PLG: variants seen among roughly 807,000 people sequenced by gnomAD.
PLG encodes the protein plasmin.
In PLG, 41 loss-of-function variants were observed where a neutral mutation model predicts 104.4. The observed-to-expected ratio is 0.39, with a 90% CI of 0.31 to 0.51. The LOEUF is 0.51. Ranked by LOEUF, PLG falls within the 20% of genes least tolerant of loss-of-function variation. The probability of loss-of-function intolerance (pLI) is 0.76; values close to 1 mark genes in which losing one functional copy is unlikely to be tolerated. For synonymous variants in PLG, 337 were observed against 357.1 expected, an observed-to-expected ratio of 0.94 and a Z score of 0.63; for missense variants, 891 against 1,003.6, an observed-to-expected ratio of 0.89 and a Z score of 1.52.
At position 160,733,978 on chromosome 6, in the gene PLG, T is replaced by C. The variant is rs762514743; in HGVS notation, c.1588-17T>C. 37 of 1,466,590 alleles carry C rather than the reference T, an allele frequency of 2.5e-5. No individual in the cohort carries two copies. The highest frequency in any genetic ancestry group is 3.3e-5 in the Non-Finnish European group (35 of 1,046,070). 90.8% of individuals were successfully genotyped at this position (1,466,590 alleles called of 1,614,324 possible). ...TGCCCCACGTGAGCTGGAGCTTACA[T>C]GCCTTCTTGTTTTCAGTACTGCCGT... On this transcript the variant is annotated splice_polypyrimidine_tract_variant and intron_variant, in intron 12 of 18. Transcript: ENST00000308192.
rs749966583 is a variant in PLG at position 160,706,402 on chromosome 6, T to C, written c.50-5T>C. On this transcript the variant is annotated splice_polypyrimidine_tract_variant and splice_region_variant and intron_variant, in intron 1 of 18. Coordinates refer to ENST00000308192, the MANE Select transcript of PLG (RefSeq NM_000301.5). ...ATTTATTCCACTTGGATCTCCCACC[T>C]CTAGGTCAAGGAGAGCCTCTGGATG... 3 of 1,612,580 alleles carry C rather than the reference T, an allele frequency of 1.9e-6. No individual in the cohort carries two copies. The highest frequency in any genetic ancestry group is 2.5e-6 in the Non-Finnish European group (3 of 1,179,390).
intron 17 of PLG, among the ~76,000 whole-genome samples, chr6:160,746,008 TGG>T (rs1417176849): frequency 5.3e-5 from 8 of 152,244 alleles, no homozygotes; most frequent in Admixed American, 5.2e-4. Flanking sequence ...GTTAGATTGA[TGG>T]GGTTCCCTTT....
chr6:160,738,573 C>A lies in PLG; in HGVS notation c.1838C>A (p.Ser613Tyr). Residue 613 changes from serine (S) to tyrosine (Y), a missense_variant, in exon 15 of 19, where the codon TCC (serine) becomes TAC (tyrosine). By Grantham distance (144) the Ser-to-Tyr change is moderately radical (BLOSUM62 -2). This residue lies in a region of PLG where 854 missense variants were observed against 932.1 expected (regional missense o/e 0.92). Coordinates refer to ENST00000308192, the MANE Select transcript of PLG (RefSeq NM_000301.5). This position sits in a 1 kb window ranked among gnomAD's most constrained non-coding sequence, Gnocchi z 6.8. ...CACTTCTGTGGAGGCACCTTGATAT[C>A]CCCAGAGTGGGTGTTGACTGCTGCC... ...GMHFCGGTLI[S>Y]PEWVLTAAHC... 1 of 1,611,862 alleles carries A rather than the reference C, an allele frequency of 6.2e-7. No homozygotes were observed. Among genetic ancestry groups the A allele is most frequent in the Non-Finnish European group, 8.5e-7 (1 of 1,177,886 alleles).
At chr6:160,704,581 A>C (rs1777482575) in intron 1 of PLG, among the ~76,000 whole-genome samples, 1 of 152,206 alleles carries the variant, frequency 6.6e-6, no homozygotes, top group African/African-American at 2.4e-5. Context: ...AGTTGGCAGA[A>C]AGTGCGGGGT....
chr6:160,710,680 A>G (rs1777623734), intron 3 of PLG, among the ~76,000 whole-genome samples: 1 of 152,132 alleles, frequency 6.6e-6, no homozygotes, highest in African/African-American at 2.4e-5. Flanking sequence ...CCCTTTCCCC[A>G]TTCTCTCACT....
chr6:160,730,679 C>A (rs181178361), intron 10 of PLG: 539 of 259,462 alleles, frequency 2.1e-3, no homozygotes, highest in African/African-American at 0.011. Flanking sequence ...TAGAGATATA[C>A]TTTTATGTGC....
intron 4 of PLG, 138 bp from the exon 5 acceptor site, chr6:160,712,848 C>G (rs1028832236): frequency 1.3e-4 from 94 of 731,452 alleles, no homozygotes; most frequent in Non-Finnish European, 2.4e-5. Flanking sequence ...AATCTGACCA[C>G]ACAAATGCTG....
intron 9 of PLG, among the ~76,000 whole-genome samples, chr6:160,720,392 T>C (rs919218028): frequency 2.8e-5 from 4 of 144,644 alleles, no homozygotes; most frequent in African/African-American, 1.0e-4. Flanking sequence ...TTTTCTTTTC[T>C]CTTTTTTCTT....
chr6:160,736,551 C>T lies in PLG; in HGVS notation c.1682-336C>T, dbSNP rs1377213438. ...AGGATGGCATCATGTTCTAAACATA[C>T]TGCATGGAGTCAGAATAACAATGAC... On this transcript the variant is annotated intron_variant, in intron 13 of 18. Transcript: ENST00000308192. The surrounding 1 kb of genome is among the most constrained non-coding windows in gnomAD (Gnocchi z 5.2). Among the ~76,000 whole-genome samples, 1 of 152,166 alleles carries T rather than the reference C, an allele frequency of 6.6e-6. No homozygotes were observed. Among genetic ancestry groups the T allele is most frequent in the Non-Finnish European group, 1.5e-5 (1 of 68,020 alleles).
At chr6:160,716,856 T>G (rs1476841875) in intron 7 of PLG, 93 bp downstream of exon 7, 1 of 819,828 alleles carries the variant, frequency 1.2e-6, no homozygotes, top group Non-Finnish European at 2.2e-6. Flanking sequence ...GTGCAGCCTC[T>G]GAAAAGTGAC....
intron 4 of PLG, among the ~76,000 whole-genome samples, chr6:160,712,513 T>C (rs1289602903): frequency 6.6e-6 from 1 of 152,198 alleles, no homozygotes; most frequent in African/African-American, 2.4e-5. Context: ...AGTTTTCTCA[T>C]CTGTAAAATA....
Position 160,731,622 on chromosome 6 carries a change from C to A in PLG, c.1439-123C>A. 1.1e-6 allele frequency: 1 copy of A among 909,848 alleles called. No homozygotes were observed. Among genetic ancestry groups the A allele is most frequent in the Non-Finnish European group, 1.8e-6 (1 of 548,644 alleles). 56.4% of individuals were successfully genotyped at this position (909,848 alleles called of 1,614,324 possible). ...GCGTTCATTGCAGTCTTCAGCATTGCAGTTTCTGAGGAATGTGGCCCCTGA... is the reference window on the plus strand; with the variant it reads ...GCGTTCATTGCAGTCTTCAGCATTGAAGTTTCTGAGGAATGTGGCCCCTGA... On this transcript the variant is annotated intron_variant, in intron 11 of 18. Transcript: ENST00000308192. This position sits in a 1 kb window ranked among gnomAD's most constrained non-coding sequence, Gnocchi z 5.1.
In PLG at chr6:160,738,716, C is replaced by T; in HGVS notation, c.1877+104C>T. The T allele has an allele frequency of 1.2e-6, 1 of 866,956 alleles. No individual in the cohort carries two copies. Among genetic ancestry groups the T allele is most frequent in the Non-Finnish European group, 2.0e-6 (1 of 507,700 alleles). The allele number at this position is 866,956 out of a possible 1,614,324, so 53.7% of individuals were successfully genotyped here. ...CTTTCTCACTCTTCCTCCCTTCCTT[C>T]TCTGGCTGTGACACTAGGGACCAGG... On this transcript the variant is annotated intron_variant, in intron 15 of 18. Transcript: ENST00000308192. The surrounding 1 kb of genome is among the most constrained non-coding windows in gnomAD (Gnocchi z 6.8).
At chr6:160,747,234 T>C (rs1248795517) in intron 17 of PLG, among the ~76,000 whole-genome samples, 1 of 152,174 alleles carries the variant, frequency 6.6e-6, no homozygotes, top group Non-Finnish European at 1.5e-5. Flanking sequence ...AGGATGGCAT[T>C]TGGTATTGGT....
intron 9 of PLG, among the ~76,000 whole-genome samples, chr6:160,721,334 G>A (rs887415499): frequency 6.6e-6 from 1 of 152,166 alleles, no homozygotes; most frequent in African/African-American, 2.4e-5. Context: ...AGAGGTTACA[G>A]TAAATATTAT....
intron 5 of PLG, among the ~76,000 whole-genome samples, chr6:160,713,887 C>T (rs1394965374): frequency 6.6e-6 from 1 of 152,088 alleles, no homozygotes; most frequent in African/African-American, 2.4e-5. Flanking sequence ...TTAAAAAAAT[C>T]CTACTGAAAA....
chr6:160,751,784 GA>G (rs999688693), intron 17 of PLG, among the ~76,000 whole-genome samples: 1 of 151,998 alleles, frequency 6.6e-6, no homozygotes, highest in Admixed American at 6.5e-5. Context: ...TAAAACATCT[GA>G]AAAAAGAGTA....
At position 160,744,932 on chromosome 6, in the gene PLG, A is replaced by G. The variant is rs533681459; in HGVS notation, c.2125+3515A>G. On this transcript the variant is annotated intron_variant, in intron 17 of 18. Transcript: ENST00000308192. The surrounding 1 kb of genome is among the most constrained non-coding windows in gnomAD (Gnocchi z 4.5). ...ATTCACCCAAAAGTCATTCAGGAGC[A>G]TGTTGTTTGATTTCCATGTAATTGT... Among the ~76,000 whole-genome samples, 1 of 152,298 alleles carries G rather than the reference A, an allele frequency of 6.6e-6. No individual in the cohort carries two copies. The highest frequency in any genetic ancestry group is 2.1e-4 in the South Asian group (1 of 4,828).
At chr6:160,743,737 C>T (rs760320078) in intron 17 of PLG, among the ~76,000 whole-genome samples, 5 of 152,096 alleles carry the variant, frequency 3.3e-5, no homozygotes, top group Non-Finnish European at 7.4e-5. Flanking sequence ...TATCTTGTGC[C>T]AGTTTTCAAG....
Sources: allele counts gnomAD v4.1 joint callset (sites outside exome capture counted in the v4.1 genomes callset), GRCh38; gene constraint gnomAD v4.1.1; regional missense constraint gnomAD v4.1.1; non-coding constraint Gnocchi (gnomAD v3.1); transcripts MANE v1.5; gene names NCBI Gene and HGNC (gene_info 2026-07-23, HGNC 2026-07-21).